The following RASA3 variants were observed in gnomAD, a reference collection of about 807,000 sequenced individuals.
The protein encoded by RASA3 is RAS p21 protein activator 3.
A neutral mutation model predicts 110.0 loss-of-function variants in RASA3; 73 were observed. The observed-to-expected ratio is 0.66, with a 90% CI of 0.55 to 0.81. RASA3 has a LOEUF of 0.81. RASA3 is among the 30% of genes least tolerant of loss of function. The pLI is 0.00. For synonymous variants in RASA3, 500 were observed against 451.4 expected (o/e 1.11, Z -1.37); for missense variants, 976 against 1,113.2 (o/e 0.88, Z 1.75).
At chr13:114,080,401 A>ACTGC (rs2079764611) in intron 1 of RASA3, among the ~76,000 whole-genome samples, 1 of 152,154 alleles carries the variant, frequency 6.6e-6, no homozygotes, top group Non-Finnish European at 1.5e-5. Flanking sequence ...AGGGCCCAGC[A>ACTGC]CTGCCGTCCA....
chr13:114,073,199 C>T (rs377151480), intron 2 of RASA3, among the ~76,000 whole-genome samples: 33 of 147,028 alleles, frequency 2.2e-4, no homozygotes, highest in South Asian at 1.3e-3. Flanking sequence ...GAAAACGGGA[C>T]GGTGACGTAC....
chr13:114,013,050 C>T (rs1239612489), intron 15 of RASA3, 92 bp downstream of exon 15: 11 of 1,020,600 alleles, frequency 1.1e-5, no homozygotes, highest in Middle Eastern at 3.0e-4. Context: ...ACACTCCACA[C>T]GGTCGGCCCC....
intron 16 of RASA3, among the ~76,000 whole-genome samples, chr13:114,009,861 A>T (rs1031465494): frequency 6.6e-6 from 1 of 152,206 alleles, no homozygotes; most frequent in African/African-American, 2.4e-5. Flanking sequence ...CCCGTGGGGC[A>T]TAAGGGCCGC....
At chr13:114,021,824 C>T (rs2053933198) in intron 8 of RASA3, among the ~76,000 whole-genome samples, 1 of 151,776 alleles carries the variant, frequency 6.6e-6, no homozygotes, top group Non-Finnish European at 1.5e-5. Context: ...TACATGACCC[C>T]AGGCTCTTAC....
intron 11 of RASA3, 61 bp downstream of exon 11, chr13:114,018,043 G>C (rs560345407): frequency 2.1e-6 from 3 of 1,417,762 alleles, no homozygotes; most frequent in African/African-American, 2.9e-5. Flanking sequence ...TCTCGGCGAC[G>C]ACCTTGCCAT....
At chr13:114,083,381 G>A (rs563310161) in intron 1 of RASA3, among the ~76,000 whole-genome samples, 3 of 152,318 alleles carry the variant, frequency 2.0e-5, no homozygotes, top group East Asian at 3.9e-4. Flanking sequence ...GATTTCAAGC[G>A]ACCAGTGTGG....
At chr13:113,980,105 CT>C (rs1280891877) in intron 23 of RASA3, among the ~76,000 whole-genome samples, 2 of 144,138 alleles carry the variant, frequency 1.4e-5, no homozygotes, top group Non-Finnish European at 3.0e-5. Flanking sequence ...GTGTGCACCC[CT>C]CTCGCATGTG....
At chr13:114,007,844 G>C (rs1316950258) in intron 17 of RASA3, among the ~76,000 whole-genome samples, 1 of 152,236 alleles carries the variant, frequency 6.6e-6, no homozygotes, top group Non-Finnish European at 1.5e-5. Context: ...AACACCTGGG[G>C]ATCAACCTGC....
chr13:114,095,400 C>G (rs1393766661), intron 1 of RASA3, among the ~76,000 whole-genome samples: 2 of 152,134 alleles, frequency 1.3e-5, no homozygotes, highest in African/African-American at 4.8e-5. Flanking sequence ...ACTCCCATCT[C>G]CCCTCCCTAC....
chr13:114,036,907 C>T lies in RASA3; in HGVS notation c.372+4093G>A, dbSNP rs138487462. Among the ~76,000 whole-genome samples the T allele has an allele frequency of 1.7e-3, 252 of 152,278 alleles. 2 individuals carry two copies. Among genetic ancestry groups the T allele is most frequent in the African/African-American group, 5.9e-3 (244 of 41,548 alleles). On this transcript the variant is annotated intron_variant, in intron 4 of 23. Transcript: ENST00000334062. ...GCTCCCTGTCACGCTACGTTTTGGGCGGCGTTGGGGCTGACTGCATCAGTG... is the reference window on the plus strand; with the variant it reads ...GCTCCCTGTCACGCTACGTTTTGGGTGGCGTTGGGGCTGACTGCATCAGTG...
Position 114,056,093 on chromosome 13 carries a change from C to T in RASA3, c.174-3938G>A, listed in dbSNP as rs75819389. Among the ~76,000 whole-genome samples, 238 of 152,262 alleles carry T rather than the reference C, an allele frequency of 1.6e-3. 2 individuals carry two copies. Among genetic ancestry groups the T allele is most frequent in the African/African-American group, 5.5e-3 (230 of 41,562 alleles). ...GCGTCACCGTTTCCCGAGAGCCCCC[C>T]GCCCCCGCACAGGCACTGAGGACCC... On this transcript the variant is annotated intron_variant, in intron 2 of 23. Transcript: ENST00000334062. This position sits in a 1 kb window ranked among gnomAD's most constrained non-coding sequence, Gnocchi z 5.7.
intron 1 of RASA3, among the ~76,000 whole-genome samples, chr13:114,090,261 C>T (rs1430370066): frequency 4.6e-5 from 7 of 152,342 alleles, no homozygotes; most frequent in Middle Eastern, 3.4e-3. Flanking sequence ...AAAGCGCAAG[C>T]GTTACCATGT....
At position 114,112,786 on chromosome 13, in the gene RASA3, A is replaced by G. The variant is rs2080235911; in HGVS notation, c.55+19649T>C. Among the ~76,000 whole-genome samples the G allele has an allele frequency of 1.3e-5, 2 of 152,024 alleles. No homozygotes were observed. The highest frequency in any genetic ancestry group is 2.9e-5 in the Non-Finnish European group (2 of 67,994). On this transcript the variant is annotated intron_variant, in intron 1 of 23. Transcript: ENST00000334062. This position sits in a 1 kb window ranked among gnomAD's most constrained non-coding sequence, Gnocchi z 4.8. Reference sequence around the variant, plus strand: ...CCGTGGGGCCGCAGGGTACACCAACATCTGAGGCAGAGGCACCGCTGTGGG... The same window carrying G: ...CCGTGGGGCCGCAGGGTACACCAACGTCTGAGGCAGAGGCACCGCTGTGGG...
intron 21 of RASA3, 66 bp from the exon 22 acceptor site, chr13:113,992,654 A>G: frequency 8.4e-7 from 1 of 1,194,728 alleles, no homozygotes; most frequent in South Asian, 1.3e-5. Context: ...TAATAATGAC[A>G]TTCATTTTTA....
chr13:113,995,759 GGGC>G, intron 21 of RASA3, among the ~76,000 whole-genome samples: 1 of 75,944 alleles, frequency 1.3e-5, no homozygotes, highest in Non-Finnish European at 2.6e-5. Context: ...CGGCTGACGG[GGGC>G]CCGGCTGACG....
At chr13:114,097,286 C>T (rs1360303010) in intron 1 of RASA3, among the ~76,000 whole-genome samples, 1 of 152,244 alleles carries the variant, frequency 6.6e-6, no homozygotes, top group Non-Finnish European at 1.5e-5. Context: ...CAGATAAGGT[C>T]AGACGGCAGG....
chr13:114,072,057 A>G (rs2079580952), intron 2 of RASA3, among the ~76,000 whole-genome samples: 1 of 152,020 alleles, frequency 6.6e-6, no homozygotes, highest in African/African-American at 2.4e-5. Flanking sequence ...TCACAGCTAC[A>G]CGGACATCTT....
At chr13:114,091,508 T>A (rs2079889242) in intron 1 of RASA3, among the ~76,000 whole-genome samples, 1 of 150,556 alleles carries the variant, frequency 6.6e-6, no homozygotes, top group Non-Finnish European at 1.5e-5. Flanking sequence ...ATGTGACCGA[T>A]CACATTTATT....
At chr13:114,055,815 G>A (rs1174641678) in intron 2 of RASA3, among the ~76,000 whole-genome samples, 3 of 136,054 alleles carry the variant, frequency 2.2e-5, no homozygotes, top group Non-Finnish European at 3.3e-5. Flanking sequence ...TGCCCAGGCT[G>A]TCCTGGCTGC....
Sources: allele counts gnomAD v4.1 joint callset (sites outside exome capture counted in the v4.1 genomes callset), GRCh38; gene constraint gnomAD v4.1.1; non-coding constraint Gnocchi (gnomAD v3.1); transcripts MANE v1.5; gene names NCBI Gene and HGNC (gene_info 2026-07-23, HGNC 2026-07-21).